SNAP91: variants seen among roughly 807,000 people sequenced by gnomAD.
SNAP91 encodes synaptosome associated protein 91, also known as clathrin coat assembly protein AP180.
In SNAP91, 27 loss-of-function variants were observed where a neutral mutation model predicts 100.3. That is an observed-to-expected ratio of 0.27 (90% CI 0.20 to 0.37). SNAP91 has a LOEUF of 0.37. Among genes scored for constraint, SNAP91 ranks in the 10% least tolerant of loss-of-function variants. The pLI is 1.00. For missense variants in SNAP91, 986 were observed against 1,123.7 expected (o/e 0.88, Z 1.75); for synonymous variants, 404 against 398.6 (o/e 1.01, Z -0.16).
chr6:83,646,723 C>A (rs183849811), intron 7 of SNAP91, among the ~76,000 whole-genome samples: 333 of 152,268 alleles, frequency 2.2e-3, no homozygotes, highest in Middle Eastern at 6.8e-3. Context: ...TCAATATCCA[C>A]AGTTACTTGC....
intron 2 of SNAP91, among the ~76,000 whole-genome samples, chr6:83,687,415 T>C (rs577785324): frequency 6.6e-6 from 1 of 152,324 alleles, no homozygotes; most frequent in South Asian, 2.1e-4. Context: ...GTTTAGAATT[T>C]CTAAACTATA....
At chr6:83,575,277 A>C in intron 25 of SNAP91, 156 bp from the exon 26 acceptor site, 1 of 615,868 alleles carries the variant, frequency 1.6e-6, no homozygotes, top group Non-Finnish European at 2.8e-6. Context: ...TTACAGAGGA[A>C]TCTTGCCATG....
chr6:83,663,489 T>C (rs1331070418), intron 3 of SNAP91, among the ~76,000 whole-genome samples: 1 of 152,168 alleles, frequency 6.6e-6, no homozygotes, highest in African/African-American at 2.4e-5. Context: ...TGGAGAATGT[T>C]TGAGTGGTCT....
At chr6:83,573,291 G>A (rs1295482402) in intron 26 of SNAP91, among the ~76,000 whole-genome samples, 1 of 152,122 alleles carries the variant, frequency 6.6e-6, no homozygotes, top group African/African-American at 2.4e-5. Flanking sequence ...ACTGCTCAAC[G>A]AAATGAAAGA....
intron 2 of SNAP91, among the ~76,000 whole-genome samples, chr6:83,693,080 T>A (rs1487374915): frequency 6.6e-6 from 1 of 152,204 alleles, no homozygotes; most frequent in Non-Finnish European, 1.5e-5. Flanking sequence ...GTTTTTGCTT[T>A]TGATTATTGC....
At chr6:83,699,136 A>T (rs1246237098) in intron 2 of SNAP91, among the ~76,000 whole-genome samples, 1 of 152,176 alleles carries the variant, frequency 6.6e-6, no homozygotes, top group Non-Finnish European at 1.5e-5. Flanking sequence ...GCTCCCTAGG[A>T]TTCCCACAAA....
chr6:83,606,540 C>T (rs1237082447), intron 13 of SNAP91, among the ~76,000 whole-genome samples: 1 of 152,198 alleles, frequency 6.6e-6, no homozygotes, highest in Non-Finnish European at 1.5e-5. Context: ...GTATCTACCA[C>T]CTCAGAATCT....
intron 2 of SNAP91, among the ~76,000 whole-genome samples, chr6:83,676,626 C>G (rs1214732246): frequency 6.6e-6 from 1 of 152,178 alleles, no homozygotes; most frequent in Non-Finnish European, 1.5e-5. Context: ...TTCCAGACAA[C>G]TCTGTGCATT....
At chr6:83,650,208 T>C (rs1318160717) in intron 7 of SNAP91, among the ~76,000 whole-genome samples, 1 of 152,214 alleles carries the variant, frequency 6.6e-6, no homozygotes, top group Non-Finnish European at 1.5e-5. Flanking sequence ...TTTCTGTAGT[T>C]TGCATTTTCA....
At chr6:83,642,359 G>T (rs1045981246) in intron 7 of SNAP91, among the ~76,000 whole-genome samples, 2 of 151,900 alleles carry the variant, frequency 1.3e-5, no homozygotes, top group Non-Finnish European at 2.9e-5. Flanking sequence ...CCCACAACAG[G>T]CCCTGGTGTG....
intron 21 of SNAP91, 44 bp downstream of exon 21, chr6:83,592,411 A>G: frequency 7.7e-7 from 1 of 1,292,036 alleles, no homozygotes; most frequent in Non-Finnish European, 1.1e-6. Context: ...ATTATTCTGA[A>G]GAAAAAAAGA....
chr6:83,628,424 G>GA (rs1373620680), intron 8 of SNAP91, among the ~76,000 whole-genome samples: 1 of 151,598 alleles, frequency 6.6e-6, no homozygotes, highest in Non-Finnish European at 1.5e-5. Context: ...GTTCTTTAAG[G>GA]AATCTCCACA....
intron 2 of SNAP91, among the ~76,000 whole-genome samples, chr6:83,697,747 C>T (rs217287): frequency 0.36 from 55,170 of 151,852 alleles, 10,899 homozygotes; most frequent in South Asian, 0.5. Context: ...CTTGCTCTTC[C>T]GAAGTTTATT....
intron 8 of SNAP91, among the ~76,000 whole-genome samples, chr6:83,636,420 A>G (rs1027508265): frequency 1.3e-5 from 2 of 152,148 alleles, no homozygotes; most frequent in Non-Finnish European, 2.9e-5. Context: ...ACTCGTCTTC[A>G]AGCTCTGAAA....
chr6:83,680,992 A>T (rs2098981023), intron 2 of SNAP91, among the ~76,000 whole-genome samples: 1 of 152,126 alleles, frequency 6.6e-6, no homozygotes, highest in Non-Finnish European at 1.5e-5. Flanking sequence ...AACAGTCTGT[A>T]AGAACCTAAT....
chr6:83,640,315 T>TCA (rs2097644389), intron 8 of SNAP91, among the ~76,000 whole-genome samples: 4 of 152,196 alleles, frequency 2.6e-5, no homozygotes, highest in African/African-American at 7.2e-5. Context: ...AAACATGGCA[T>TCA]GAATGTCCCA....
intron 2 of SNAP91, among the ~76,000 whole-genome samples, chr6:83,678,213 A>G (rs1239483959): frequency 1.3e-5 from 2 of 152,098 alleles, no homozygotes; most frequent in East Asian, 3.8e-4. Context: ...ATTATCTCCA[A>G]AACAGTATTT....
chr6:83,649,263 T>C (rs1403939461), intron 7 of SNAP91, among the ~76,000 whole-genome samples: 1 of 152,184 alleles, frequency 6.6e-6, no homozygotes, highest in Non-Finnish European at 1.5e-5. Context: ...CTGCTGGCCA[T>C]GCCTGTAGCC....
chr6:83,556,762 C>T (rs1348711141), intron 28 of SNAP91, among the ~76,000 whole-genome samples: 3 of 152,246 alleles, frequency 2.0e-5, no homozygotes, highest in South Asian at 4.1e-4. Flanking sequence ...ATGGCTTTTC[C>T]TGTAGTGAGA....
Sources: gnomAD v4.1 joint callset for allele counts (sites outside exome capture counted in the v4.1 genomes callset) on GRCh38, gnomAD v4.1.1 for gene constraint, MANE v1.5 for transcripts, NCBI Gene and HGNC (gene_info 2026-07-23, HGNC 2026-07-21) for gene names.